NPAS3: variants seen among roughly 807,000 people sequenced by gnomAD.
NPAS3 encodes neuronal PAS domain-containing protein 3.
NPAS3 carries 14 observed loss-of-function variants against 73.1 expected under a neutral mutation model. The ratio of observed to expected loss-of-function variants is 0.19; its 90% CI spans 0.13 to 0.30. NPAS3 has a LOEUF of 0.30. NPAS3 is among the 10% of genes least tolerant of loss of function. The pLI is 1.00. For missense variants in NPAS3, 1,096 were observed against 1,250.0 expected (o/e 0.88, Z 1.86); for synonymous variants, 620 against 541.5 (o/e 1.14, Z -2.01).
intron 2 of NPAS3, among the ~76,000 whole-genome samples, chr14:33,062,450 C>T (rs950109731): frequency 1.3e-5 from 2 of 152,154 alleles, no homozygotes; most frequent in African/African-American, 4.8e-5. Flanking sequence ...GAGGTGCCCA[C>T]CTCTGCCTTT....
chr14:33,751,683 A>C (rs2061967321), intron 7 of NPAS3, among the ~76,000 whole-genome samples: 1 of 152,168 alleles, frequency 6.6e-6, no homozygotes, highest in African/African-American at 2.4e-5. Flanking sequence ...CTGACCTTTC[A>C]AGATGATAAT....
intron 4 of NPAS3, among the ~76,000 whole-genome samples, chr14:33,478,185 G>A (rs1008003777): frequency 4.6e-5 from 7 of 152,118 alleles, no homozygotes; most frequent in Non-Finnish European, 1.0e-4. Context: ...ACTGGGAGAT[G>A]GATGTGTATA....
intron 4 of NPAS3, among the ~76,000 whole-genome samples, chr14:33,468,833 G>A (rs968278846): frequency 6.6e-6 from 1 of 152,224 alleles, no homozygotes; most frequent in Admixed American, 6.5e-5. Context: ...AATATATACT[G>A]TCACACAATT....
chr14:33,203,892 C>T (rs919380550), intron 2 of NPAS3, among the ~76,000 whole-genome samples: 28 of 152,166 alleles, frequency 1.8e-4, no homozygotes, highest in South Asian at 4.1e-4. Flanking sequence ...CCTGAGGAAT[C>T]GCCACACCGA....
chr14:33,491,986 T>C (rs563283507), intron 4 of NPAS3, among the ~76,000 whole-genome samples: 18 of 152,180 alleles, frequency 1.2e-4, no homozygotes, highest in Admixed American at 2.6e-4. Flanking sequence ...ATTCACTCTT[T>C]TGTACCAAAA....
At chr14:32,975,254 A>G (rs1219637306) in intron 1 of NPAS3, among the ~76,000 whole-genome samples, 3 of 133,946 alleles carry the variant, frequency 2.2e-5, no homozygotes, top group Non-Finnish European at 3.5e-5. Context: ...TTGAGAAAGT[A>G]TGGTTGTTTT....
chr14:33,749,931 T>C (rs2061911031), intron 7 of NPAS3, among the ~76,000 whole-genome samples: 1 of 152,170 alleles, frequency 6.6e-6, no homozygotes, highest in Admixed American at 6.5e-5. Context: ...AGTGGAGATG[T>C]GTCACAAGAG....
rs115421473 is a variant in NPAS3, at chr14:33,530,089, G to T, written c.469-30032G>T. The stretch of plus-strand genomic sequence containing the variant: ...CATACTTTCTTTCCTTTTTGTCACC[G>T]CTCACCAAAGTATTATATTTAATGC... On this transcript the variant is annotated intron_variant, in intron 4 of 11. Transcript: ENST00000356141. Among the ~76,000 whole-genome samples the T allele has an allele frequency of 2.6e-5, 4 of 151,892 alleles. No individual in the cohort carries two copies. In the East Asian group the frequency reaches 5.8e-4, roughly 22 times the overall value.
At chr14:33,669,299 G>T (rs1434845242) in intron 5 of NPAS3, among the ~76,000 whole-genome samples, 4 of 152,078 alleles carry the variant, frequency 2.6e-5, no homozygotes, top group Non-Finnish European at 4.4e-5. Context: ...TAAAAAGTTG[G>T]CCTTTTCTCC....
chr14:33,396,035 C>G (rs1031412552), intron 4 of NPAS3, among the ~76,000 whole-genome samples: 1 of 152,136 alleles, frequency 6.6e-6, no homozygotes, highest in Non-Finnish European at 1.5e-5. Flanking sequence ...CCAAAGTAGT[C>G]AGGACATCCA....
At chr14:33,672,591 C>G (rs1480718127) in intron 5 of NPAS3, among the ~76,000 whole-genome samples, 2 of 151,816 alleles carry the variant, frequency 1.3e-5, no homozygotes, top group African/African-American at 4.8e-5. Flanking sequence ...GTCTGTTCAT[C>G]AAGCAAAAAA....
chr14:33,181,153 A>G (rs770991254), intron 2 of NPAS3, among the ~76,000 whole-genome samples: 4 of 152,194 alleles, frequency 2.6e-5, no homozygotes, highest in Admixed American at 6.5e-5. Context: ...TGGGGAACCA[A>G]ATTAGATAAA....
intron 3 of NPAS3, among the ~76,000 whole-genome samples, chr14:33,287,857 A>G (rs564969055): frequency 2.6e-5 from 4 of 152,190 alleles, no homozygotes; most frequent in Non-Finnish European, 5.9e-5. Flanking sequence ...AATTCAGTGC[A>G]TGTACATTCC....
chr14:33,275,976 A>T (rs1325545257), intron 3 of NPAS3, among the ~76,000 whole-genome samples: 1 of 152,140 alleles, frequency 6.6e-6, no homozygotes, highest in Non-Finnish European at 1.5e-5. Context: ...TTAGTTTCAT[A>T]TGAAAACACC....
intron 4 of NPAS3, among the ~76,000 whole-genome samples, chr14:33,537,700 C>T (rs1043446601): frequency 1.3e-5 from 2 of 152,174 alleles, no homozygotes; most frequent in South Asian, 2.1e-4. Flanking sequence ...TACCCAACCC[C>T]TAGAGCTCCA....
intron 6 of NPAS3, among the ~76,000 whole-genome samples, chr14:33,731,464 C>A (rs1184544676): frequency 2.0e-5 from 3 of 151,274 alleles, no homozygotes; most frequent in Non-Finnish European, 4.4e-5. Flanking sequence ...AAAAAAAGGC[C>A]CTTTTTAAAG....
At chr14:33,551,380 T>C (rs2139696548) in intron 4 of NPAS3, among the ~76,000 whole-genome samples, 1 of 152,326 alleles carries the variant, frequency 6.6e-6, no homozygotes, top group Non-Finnish European at 1.5e-5. Context: ...CTTAAGAGCC[T>C]GTTTTTAAAA....
At chr14:33,613,693 C>T (rs928810608) in intron 5 of NPAS3, among the ~76,000 whole-genome samples, 6 of 152,184 alleles carry the variant, frequency 3.9e-5, no homozygotes, top group Non-Finnish European at 8.8e-5. Context: ...CCTTCGCACC[C>T]TCCTCCCTGA....
intron 5 of NPAS3, among the ~76,000 whole-genome samples, chr14:33,634,409 G>A (rs1209918574): frequency 1.3e-5 from 2 of 152,190 alleles, no homozygotes; most frequent in Non-Finnish European, 1.5e-5. Flanking sequence ...ACTGCTCCAA[G>A]TGACATTTAA....
Sources: gnomAD v4.1 joint callset for allele counts (sites outside exome capture counted in the v4.1 genomes callset) on GRCh38, gnomAD v4.1.1 for gene constraint, MANE v1.5 for transcripts, NCBI Gene and HGNC (gene_info 2026-07-23, HGNC 2026-07-21) for gene names.